CIZ1: variants seen among roughly 807,000 people sequenced by gnomAD.
CIZ1 encodes the protein cip1-interacting zinc finger protein.
In CIZ1, 58 loss-of-function variants were observed where a neutral mutation model predicts 118.6. The observed-to-expected ratio is 0.49, with a 90% confidence interval of 0.40 to 0.61. CIZ1 has a LOEUF of 0.61. CIZ1 is among the 20% of genes least tolerant of loss of function. The pLI, the probability that CIZ1 is intolerant of heterozygous loss-of-function variation, is 0.00. For synonymous variants in CIZ1, 448 were observed against 443.4 expected (o/e 1.01, Z -0.13); for missense variants, 921 against 1,115.9 (o/e 0.83, Z 2.49).
At position 128,190,744 on chromosome 9, in the gene CIZ1, G is replaced by C. The variant is rs376170369; in HGVS notation, c.114C>G (p.Leu38=). 6 of 1,545,500 alleles carry C rather than the reference G, an allele frequency of 3.9e-6. No individual in the cohort carries two copies. In the African/African-American group the frequency reaches 6.8e-5, roughly 18 times the overall value. Residue 38 remains leucine (L), a synonymous_variant, in exon 2 of 17, where the codon CTC becomes CTG. Coordinates refer to ENST00000372938, the MANE Select transcript of CIZ1 (RefSeq NM_001131016.2). ...GTGGGGACTGCTGGAGCAGCTGCTG[G>C]AGCTGCAGTAACTGCTGCTGCTGCA... is the stretch of plus-strand genomic sequence containing the variant. ...QQLQQQQLLQ[L]QQLLQQSPPQ...
intron 1 of CIZ1, chr9:128,197,730 C>T (rs1409928318): frequency 6.6e-6 from 1 of 152,278 alleles, no homozygotes; most frequent in African/African-American, 2.4e-5. Flanking sequence ...ACCTTCGCAA[C>T]ACCGGAGAAG....
intron 1 of CIZ1, among the ~76,000 whole-genome samples, chr9:128,202,152 G>T (rs1319238016): frequency 6.6e-6 from 1 of 152,138 alleles, no homozygotes; most frequent in African/African-American, 2.4e-5. Context: ...CAACAAATAC[G>T]CATTAAATGG....
At chr9:128,193,778 C>G (rs546646666), upstream of CIZ1, among the ~76,000 whole-genome samples, 138 of 152,242 alleles carry the variant, frequency 9.1e-4, no homozygotes, top group African/African-American at 3.2e-3. Flanking sequence ...TGGGTGCTAG[C>G]GTTGGAGAGG....
intron 12 of CIZ1, 65 bp downstream of exon 12, chr9:128,169,955 G>A: frequency 7.0e-7 from 1 of 1,435,786 alleles, no homozygotes; most frequent in Admixed American, 1.9e-5. Context: ...CTGGGGCTCT[G>A]TGTTGTCTGG....
At chr9:128,182,319 G>A (rs1167299123) in intron 5 of CIZ1, among the ~76,000 whole-genome samples, 1 of 152,158 alleles carries the variant, frequency 6.6e-6, no homozygotes, top group Non-Finnish European at 1.5e-5. Context: ...CGCACACAGG[G>A]AGAGACGCAC....
intron 4 of CIZ1, among the ~76,000 whole-genome samples, chr9:128,186,849 C>T (rs1832435931): frequency 1.3e-5 from 2 of 152,174 alleles, no homozygotes; most frequent in South Asian, 4.1e-4. Context: ...GGTATCTCTC[C>T]TCCAAGAGAC....
chr9:128,191,961 G>T, upstream of CIZ1: 1 of 1,373,556 alleles, frequency 7.3e-7, no homozygotes, highest in Non-Finnish European at 9.5e-7. This position sits in a 1 kb window ranked among gnomAD's most constrained non-coding sequence, Gnocchi z 5.5. Flanking sequence ...ACCCAGGCCA[G>T]GCGAGAGGGC....
chr9:128,181,121 CTT>C (rs1014401287), intron 5 of CIZ1, among the ~76,000 whole-genome samples: 1 of 146,444 alleles, frequency 6.8e-6, no homozygotes. Context: ...CAGTGGGGTC[CTT>C]TTTTTTTTTG....
In CIZ1 at chr9:128,191,493, C is replaced by A. The variant is rs915426123; in HGVS notation, c.-67G>T. On this transcript the variant is annotated 5_prime_UTR_variant, in exon 1 of 17. Transcript: ENST00000372938. This position sits in a 1 kb window ranked among gnomAD's most constrained non-coding sequence, Gnocchi z 5.5. ...CCCACGGATGGGCCGGCCCCGCAGC[C>A]CCCACGCCTCGGCCGGGCGGCTCCG... The A allele has an allele frequency of 4.8e-5, 48 of 997,214 alleles. No individual in the cohort carries two copies. Among genetic ancestry groups the A allele is most frequent in the African/African-American group, 1.9e-4 (11 of 57,770 alleles). The allele number at this position is 997,214 out of a possible 1,614,324, so 61.8% of individuals were successfully genotyped here.
At position 128,166,681 on chromosome 9, in the gene CIZ1, G is replaced by A; in HGVS notation, c.2487+78C>T. On this transcript the variant is annotated intron_variant, in intron 16 of 16. Transcript: ENST00000372938. This position sits in a 1 kb window ranked among gnomAD's most constrained non-coding sequence, Gnocchi z 4.4. ...TTGAGGCCCTGCACAAGAGGGAGTG[G>A]CCACTAGCCACCCGAATCAGCTTGG... is the stretch of plus-strand genomic sequence containing the variant. 6 of 1,578,830 alleles carry A rather than the reference G, an allele frequency of 3.8e-6. No individual in the cohort carries two copies. The highest frequency in any genetic ancestry group is 5.2e-6 in the Non-Finnish European group (6 of 1,150,786).
In CIZ1 at chr9:128,180,398, T is replaced by G. The variant is rs753952043; in HGVS notation, c.791+17A>C. 6.2e-7 allele frequency: 1 copy of G among 1,603,452 alleles called. No individual in the cohort carries two copies. The highest frequency in any genetic ancestry group is 8.5e-7 in the Non-Finnish European group (1 of 1,170,708). ...ACAGGGCACCCGGGCGCAGGTCAGG[T>G]TTTCAGCATCAGTTACCTCCTCAAT... On this transcript the variant is annotated intron_variant, in intron 7 of 16. Transcript: ENST00000372938.
intron 13 of CIZ1, 61 bp downstream of exon 13, chr9:128,169,345 C>T: frequency 6.9e-7 from 1 of 1,449,710 alleles, no homozygotes; most frequent in South Asian, 1.1e-5. Flanking sequence ...ACTTGCTACA[C>T]AGCCTTGGCC....
At chr9:128,182,303 C>T (rs958517904) in intron 5 of CIZ1, among the ~76,000 whole-genome samples, 8 of 152,158 alleles carry the variant, frequency 5.3e-5, no homozygotes, top group Non-Finnish European at 7.3e-5. Context: ...TACACTCTCT[C>T]GTCGCCGCAC....
At position 128,179,223 on chromosome 9, in the gene CIZ1, C is replaced by T. The variant is rs145714867; in HGVS notation, c.984G>A (p.Pro328=). ...CCTGGGTGTCTGTGGATGGTATCCG[C>T]GGCTGAGTCTGTGACTGCACCTGGG... The part of the protein sequence containing the change: ...VQAQVQSQTQ[P]RIPSTDTQVQ... The change falls in exon 8 of 17, where the codon CCG becomes CCA. Residue 328 remains proline, a synonymous_variant. Transcript: ENST00000372938. 1.2e-4 allele frequency: 187 copies of T among 1,613,922 alleles called. 1 individual carries two copies. Among genetic ancestry groups the T allele is most frequent in the East Asian group, 2.5e-4 (11 of 44,892 alleles).
chr9:128,167,176 CA>C lies in CIZ1; in HGVS notation c.2296-13del. ...TCTCTGGACCTCACCTGAAAACATG[CA>C]AGTGTGGGCCTCGGATCTGGCTTCC... On this transcript the variant is annotated splice_polypyrimidine_tract_variant and intron_variant, in intron 14 of 16. Coordinates refer to ENST00000372938, the MANE Select transcript of CIZ1 (RefSeq NM_001131016.2). The C allele has an allele frequency of 6.4e-7, 1 of 1,563,424 alleles. No individual in the cohort carries two copies. The highest frequency in any genetic ancestry group is 2.3e-5 in the East Asian group (1 of 44,220).
chr9:128,166,604 C>A lies in CIZ1; in HGVS notation c.2487+155G>T. On this transcript the variant is annotated intron_variant, in intron 16 of 16. Coordinates refer to ENST00000372938, the MANE Select transcript of CIZ1 (RefSeq NM_001131016.2). This position sits in a 1 kb window ranked among gnomAD's most constrained non-coding sequence, Gnocchi z 4.4. Reference sequence around the variant, plus strand: ...TCCCCTTGAACAATAAGAGCCCAACCCCACCCCAGCTCTAATTCTCTCCCT... The same window carrying A: ...TCCCCTTGAACAATAAGAGCCCAACACCACCCCAGCTCTAATTCTCTCCCT... 9.1e-7 allele frequency: 1 copy of A among 1,094,116 alleles called. No individual in the cohort carries two copies. The allele number at this position is 1,094,116 out of a possible 1,614,324, so 67.8% of individuals were successfully genotyped here. A position where few individuals can be genotyped will look rare whatever the true frequency, so the allele number is the denominator to read the frequency against.
At chr9:128,177,966 C>G (rs1015024311) in intron 9 of CIZ1, among the ~76,000 whole-genome samples, 1 of 152,156 alleles carries the variant, frequency 6.6e-6, no homozygotes, top group African/African-American at 2.4e-5. Flanking sequence ...CCTAAAGTAC[C>G]ACTCATCCCA....
In CIZ1 at chr9:128,179,125, A is replaced by G. The variant is rs1193212998; in HGVS notation, c.1082T>C (p.Val361Ala). 1 of 1,614,062 alleles carries G rather than the reference A, an allele frequency of 6.2e-7. No individual in the cohort carries two copies. The highest frequency in any genetic ancestry group is 8.5e-7 in the Non-Finnish European group (1 of 1,180,026). The change falls in exon 8 of 17, where the codon GTG becomes GCG. Residue 361 changes from valine (V) to alanine (A), a missense_variant. By Grantham distance (64) the Val-to-Ala change is moderately conservative. Coordinates refer to ENST00000372938, the MANE Select transcript of CIZ1 (RefSeq NM_001131016.2). ...PEHLVLQQKQ[V>A]QPQLQQEAEP... The stretch of plus-strand genomic sequence containing the variant: ...TGCCTCCTGCTGCAGCTGTGGCTGC[A>G]CCTGCTTCTGTTGCAGCACTAAGTG...
chr9:128,196,547 C>CAA (rs961649187), upstream of CIZ1, among the ~76,000 whole-genome samples: 1 of 97,010 alleles, frequency 1.0e-5, no homozygotes, highest in African/African-American at 3.9e-5. Context: ...GACCCTGTCT[C>CAA]AAAAAAAAAA....
Sources: allele counts gnomAD v4.1 joint callset (sites outside exome capture counted in the v4.1 genomes callset), GRCh38; gene constraint gnomAD v4.1.1; non-coding constraint Gnocchi (gnomAD v3.1); transcripts MANE v1.5; gene names NCBI Gene and HGNC (gene_info 2026-07-23, HGNC 2026-07-21).